The following ELL2 variants were observed in gnomAD, a reference collection of about 807,000 sequenced individuals.
The protein encoded by ELL2 is elongation factor for RNA polymerase II 2.
In ELL2, 21 loss-of-function variants were observed where a neutral mutation model predicts 72.8. The ratio of observed to expected loss-of-function variants is 0.29; its 90% confidence interval spans 0.20 to 0.42. The LOEUF (loss-of-function observed/expected upper bound fraction) is 0.42, where lower values mean the gene tolerates loss of function less well. Ranked by LOEUF, ELL2 falls within the 10% of genes least tolerant of loss-of-function variation. The pLI, the probability that ELL2 is intolerant of heterozygous loss-of-function variation, is 1.00. For synonymous variants in ELL2, 266 were observed against 283.2 expected, an observed-to-expected ratio of 0.94 and a Z score of 0.61; for missense variants, 568 against 772.8, an observed-to-expected ratio of 0.73 and a Z score of 3.14.
chr5:95,886,240 T>C lies in ELL2; in HGVS notation c.*2631A>G, dbSNP rs1748460702. 1 of 152,206 alleles carries C rather than the reference T, an allele frequency of 6.6e-6. No homozygotes were observed. Among genetic ancestry groups the C allele is most frequent in the African/African-American group, 2.4e-5 (1 of 41,456 alleles). 9.4% of individuals were successfully genotyped at this position (152,206 alleles called of 1,614,324 possible). Reference sequence around the variant, plus strand: ...CTTGCAGTAGGGGACGAAAAATGATTATAAATATTTTAATAGGCTCATGCC... The same window carrying C: ...CTTGCAGTAGGGGACGAAAAATGATCATAAATATTTTAATAGGCTCATGCC... On this transcript the variant is annotated 3_prime_UTR_variant, in exon 12 of 12. Coordinates refer to ENST00000237853, the MANE Select transcript of ELL2 (RefSeq NM_012081.6).
chr5:95,891,439 C>G (rs1311893393), intron 9 of ELL2, among the ~76,000 whole-genome samples, 165 bp from the exon 10 acceptor site: 1 of 152,158 alleles, frequency 6.6e-6, no homozygotes, highest in East Asian at 1.9e-4. Flanking sequence ...AAACATCTTC[C>G]AGGTAAAATT....
intron 5 of ELL2, among the ~76,000 whole-genome samples, chr5:95,902,274 T>C (rs2112282598): frequency 6.6e-6 from 1 of 152,336 alleles, no homozygotes; most frequent in South Asian, 2.1e-4. Context: ...TCCTTATATC[T>C]GCCAGTTCTC....
In ELL2 at chr5:95,944,927, T is replaced by C. The variant is rs757951961; in HGVS notation, c.148-1878A>G. Among the ~76,000 whole-genome samples, 9 of 152,208 alleles carry C rather than the reference T, an allele frequency of 5.9e-5. No homozygotes were observed. In the South Asian group the frequency reaches 6.2e-4, roughly 11 times the overall value. ...AAATGCAAACTTCTCAGCTTTCAAA[T>C]TGCTGATATCCCCACTGGATATCCA... On this transcript the variant is annotated intron_variant, in intron 1 of 11. Coordinates refer to ENST00000237853, the MANE Select transcript of ELL2 (RefSeq NM_012081.6).
intron 8 of ELL2, among the ~76,000 whole-genome samples, chr5:95,897,240 CT>C (rs1397880034): frequency 1.3e-5 from 2 of 152,330 alleles, no homozygotes; most frequent in African/African-American, 4.8e-5. Flanking sequence ...GGATTACAGA[CT>C]TTCAGAATCA....
chr5:95,948,195 G>T (rs1751237936), intron 1 of ELL2, among the ~76,000 whole-genome samples: 1 of 152,054 alleles, frequency 6.6e-6, no homozygotes, highest in South Asian at 2.1e-4. Context: ...CCAGCACTTT[G>T]GGAGGCTGGG....
intron 1 of ELL2, among the ~76,000 whole-genome samples, chr5:95,956,174 T>C (rs2112362568): frequency 6.6e-6 from 1 of 152,308 alleles, no homozygotes; most frequent in South Asian, 2.1e-4. Flanking sequence ...CATATGTTCT[T>C]TCTTTCTCTT....
intron 2 of ELL2, among the ~76,000 whole-genome samples, chr5:95,926,012 A>T (rs989467006): frequency 6.6e-6 from 1 of 152,228 alleles, no homozygotes; most frequent in African/African-American, 2.4e-5. Flanking sequence ...ACTTTAAGCT[A>T]GAGAAATATA....
At chr5:95,934,998 C>G (rs1318637717) in intron 2 of ELL2, among the ~76,000 whole-genome samples, 1 of 152,054 alleles carries the variant, frequency 6.6e-6, no homozygotes, top group Non-Finnish European at 1.5e-5. Flanking sequence ...TTATGAAGTT[C>G]AATGTCATAA....
intron 1 of ELL2, among the ~76,000 whole-genome samples, chr5:95,957,785 A>G (rs982147721): frequency 6.6e-6 from 1 of 152,180 alleles, no homozygotes; most frequent in African/African-American, 2.4e-5. Flanking sequence ...AAAAAACAAG[A>G]TTTCAAAATT....
intron 4 of ELL2, among the ~76,000 whole-genome samples, chr5:95,907,296 A>ATATATTTTTTTTTTTTTTT: frequency 2.9e-4 from 34 of 116,480 alleles, no homozygotes; most frequent in African/African-American, 1.2e-3. Flanking sequence ...ATATATATAT[A>ATATATTTTTTTTTTTTTTT]TTTTTTTTTT....
At position 95,889,106 on chromosome 5, in the gene ELL2, C is replaced by G. The variant is rs1162294456; in HGVS notation, c.1786G>C (p.Glu596Gln). The change falls in exon 11 of 12, where the codon GAA (glutamate) becomes CAA (glutamine). Residue 596 changes from glutamate to glutamine, a missense_variant. Physicochemically the swap from Glu to Gln is conservative, Grantham distance 29. Transcript: ENST00000237853. ...CCTACCTGCTTTATCTTCTGATATT[C>G]TTGTAAGACTTCTTCATGAACATTC... ...YQNVHEEVLQ[E>Q]YQKIKQSSPN... The G allele has an allele frequency of 1.2e-6, 2 of 1,609,708 alleles. No individual in the cohort carries two copies. The highest frequency in any genetic ancestry group is 2.2e-5 in the East Asian group (1 of 44,816).
chr5:95,892,954 T>C (rs1013576871), intron 9 of ELL2, among the ~76,000 whole-genome samples: 24 of 152,180 alleles, frequency 1.6e-4, no homozygotes, highest in Admixed American at 4.6e-4. Context: ...ATGGGCTGTA[T>C]TGACTGTACA....
chr5:95,915,680 C>A (rs777982751), intron 3 of ELL2, among the ~76,000 whole-genome samples: 1 of 152,096 alleles, frequency 6.6e-6, no homozygotes, highest in Non-Finnish European at 1.5e-5. Flanking sequence ...CCTGGACTTC[C>A]CAGAGGAGGT....
intron 2 of ELL2, among the ~76,000 whole-genome samples, chr5:95,925,473 C>G (rs1462442426): frequency 6.6e-6 from 1 of 152,188 alleles, no homozygotes; most frequent in Non-Finnish European, 1.5e-5. Context: ...GTCTTTCTCC[C>G]TTCACTAGAA....
intron 7 of ELL2, 48 bp downstream of exon 7, chr5:95,900,645 G>T: frequency 7.4e-7 from 1 of 1,351,966 alleles, no homozygotes; most frequent in Non-Finnish European, 1.0e-6. Flanking sequence ...CCTGATTAGA[G>T]GCCCCTAATA....
At chr5:95,937,343 G>A (rs771454974) in intron 2 of ELL2, among the ~76,000 whole-genome samples, 1 of 152,238 alleles carries the variant, frequency 6.6e-6, no homozygotes, top group East Asian at 1.9e-4. Flanking sequence ...GGCCTAGACC[G>A]AGTACTCTAG....
intron 2 of ELL2, among the ~76,000 whole-genome samples, chr5:95,929,180 T>C (rs1253687339): frequency 6.6e-6 from 1 of 152,110 alleles, no homozygotes; most frequent in Non-Finnish European, 1.5e-5. Context: ...CACTACATTG[T>C]ATATGCTAAG....
chr5:95,936,912 A>G (rs1276980542), intron 2 of ELL2, among the ~76,000 whole-genome samples: 1 of 152,232 alleles, frequency 6.6e-6, no homozygotes, highest in Non-Finnish European at 1.5e-5. Context: ...GACAAATTTT[A>G]TCGACAAACA....
At position 95,919,425 on chromosome 5, in the gene ELL2, T is replaced by A. The variant is rs902359213; in HGVS notation, c.316A>T (p.Ser106Cys). The change falls in exon 3 of 12, where the codon AGC becomes TGC. Residue 106 changes from serine (S) to cysteine (C), a missense_variant and splice_region_variant. By Grantham distance (112) the Ser-to-Cys change is moderately radical. Coordinates refer to ENST00000237853, the MANE Select transcript of ELL2 (RefSeq NM_012081.6). ...CAGTGTACCTTGAAAAGTACTTACC[T>A]GGAGAATGTTTGCTGGATGCAGTCA... ...SFDCIQQTFS[S>C]SGASQLNCLG... The A allele has an allele frequency of 6.3e-7, 1 of 1,581,262 alleles. No homozygotes were observed. The highest frequency in any genetic ancestry group is 2.0e-5 in the Admixed American group (1 of 50,404).
Sources: allele counts gnomAD v4.1 joint callset (sites outside exome capture counted in the v4.1 genomes callset), GRCh38; gene constraint gnomAD v4.1.1; transcripts MANE v1.5; gene names NCBI Gene and HGNC (gene_info 2026-07-23, HGNC 2026-07-21).